Variants in GABPB1 observed in about 807,000 individuals in gnomAD.
GABPB1 encodes GA-binding protein subunit beta-1.
A neutral mutation model predicts 45.9 loss-of-function variants in GABPB1; 15 were observed. The observed-to-expected ratio is 0.33, with a 90% CI of 0.22 to 0.50. The LOEUF is 0.50. GABPB1 is among the 20% of genes least tolerant of loss of function. The pLI is 0.98. For missense variants in GABPB1, 252 were observed against 457.5 expected (o/e 0.55, Z 4.10); for synonymous variants, 143 against 154.4 (o/e 0.93, Z 0.55).
chr15:50,278,572 C>G lies in GABPB1; in HGVS notation c.*60G>C. On this transcript the variant is annotated 3_prime_UTR_variant, in exon 9 of 9. Transcript: ENST00000380877. ...CCCATGGCTGTACCTTTGTTGTGTA[C>G]AGTTCAAGATTGTATTCTTTCTTGA... 1.4e-6 allele frequency: 2 copies of G among 1,420,982 alleles called. No individual in the cohort carries two copies. The highest frequency in any genetic ancestry group is 2.0e-6 in the Non-Finnish European group (2 of 1,024,526). 88.0% of individuals were successfully genotyped at this position (1,420,982 alleles called of 1,614,324 possible).
chr15:50,350,521 CACTT>C (rs1203410085), intron 1 of GABPB1: 4 of 151,454 alleles, frequency 2.6e-5, no homozygotes, highest in Admixed American at 2.6e-4. Context: ...ATAGCCTTCT[CACTT>C]AATACTCATT....
chr15:50,285,065 T>C (rs1336395746), intron 8 of GABPB1, among the ~76,000 whole-genome samples: 2 of 152,198 alleles, frequency 1.3e-5, no homozygotes, highest in African/African-American at 4.8e-5. Flanking sequence ...ATTTTCTCAT[T>C]GTCTTTAGTT....
At chr15:50,307,069 G>C (rs976857707) in intron 2 of GABPB1, among the ~76,000 whole-genome samples, 32 of 151,882 alleles carry the variant, frequency 2.1e-4, no homozygotes, top group African/African-American at 7.7e-4. Flanking sequence ...GTCTTCTCTC[G>C]GGAATAGTCT....
At chr15:50,334,524 T>C (rs1485271141) in intron 1 of GABPB1, among the ~76,000 whole-genome samples, 1 of 146,278 alleles carries the variant, frequency 6.8e-6, no homozygotes, top group Non-Finnish European at 1.5e-5. Context: ...TTTTTTTTTT[T>C]TTTGAGACAG....
intron 1 of GABPB1, among the ~76,000 whole-genome samples, chr15:50,348,502 C>T (rs1291286117): frequency 4.0e-5 from 6 of 151,804 alleles, no homozygotes; most frequent in Admixed American, 1.3e-4. Context: ...CCGCCCGCCT[C>T]GGCCTCCCAA....
At chr15:50,293,065 T>G (rs116238853) in intron 6 of GABPB1, among the ~76,000 whole-genome samples, 3,063 of 152,280 alleles carry the variant, frequency 0.02, 104 homozygotes, top group African/African-American at 0.071. Context: ...TGGTTTTTAA[T>G]GTATTTACAC....
chr15:50,347,897 A>G (rs1024299713), intron 1 of GABPB1, among the ~76,000 whole-genome samples: 15 of 152,148 alleles, frequency 9.9e-5, no homozygotes, highest in Admixed American at 9.2e-4. Context: ...CTCTACTAAA[A>G]ATACAAAAAT....
intron 2 of GABPB1, 40 bp downstream of exon 2, chr15:50,309,650 GA>G (rs766096342): frequency 1.6e-6 from 2 of 1,237,462 alleles, no homozygotes; most frequent in Non-Finnish European, 2.4e-6. Flanking sequence ...ACTCAAAAAT[GA>G]GAAGGAAAAA....
At chr15:50,354,775 C>CGCAGCGGCGGCGCG (rs2049029437) in intron 1 of GABPB1, 1 of 238,586 alleles carries the variant, frequency 4.2e-6, no homozygotes, top group Non-Finnish European at 8.4e-6. Context: ...GCGGACAAAG[C>CGCAGCGGCGGCGCG]GCAGCGGCGG....
chr15:50,283,714 G>T (rs2140971216), intron 8 of GABPB1, among the ~76,000 whole-genome samples: 1 of 152,194 alleles, frequency 6.6e-6, no homozygotes, highest in Non-Finnish European at 1.5e-5. Flanking sequence ...GTTTTGCCAT[G>T]TTGGCCAGGC....
chr15:50,355,095 C>A lies in GABPB1; in HGVS notation c.-111G>T. On this transcript the variant is annotated 5_prime_UTR_variant, in exon 1 of 9. The change creates a premature stop within an existing upstream ORF in the 5' untranslated region. Coordinates refer to ENST00000380877, the MANE Select transcript of GABPB1 (RefSeq NM_016654.5). ...CGGCCCCGCTACACACAAAGCGCTTCAGCTGCACAGGGCGCTATTTTCCGA... is the reference window on the plus strand; with the variant it reads ...CGGCCCCGCTACACACAAAGCGCTTAAGCTGCACAGGGCGCTATTTTCCGA... 6.5e-6 allele frequency: 1 copy of A among 154,634 alleles called. No homozygotes were observed. The highest frequency in any genetic ancestry group is 1.4e-5 in the Non-Finnish European group (1 of 69,226). 9.6% of individuals were successfully genotyped at this position (154,634 alleles called of 1,614,324 possible).
rs150278834 is a variant in GABPB1 at position 50,342,821 on chromosome 15, T to C, written c.-1+12164A>G. 4.8e-4 allele frequency among the ~76,000 whole-genome samples: 73 copies of C among 152,324 alleles called. No homozygotes were observed. In the East Asian group the frequency reaches 0.012, roughly 26 times the overall value. On this transcript the variant is annotated intron_variant, in intron 1 of 8. Coordinates refer to ENST00000380877, the MANE Select transcript of GABPB1 (RefSeq NM_016654.5). ...GAGAGCTACTTCTATAGTTGTTAGATAGGTTTCAAGGTTTATATTAACAAG... is the reference window on the plus strand; with the variant it reads ...GAGAGCTACTTCTATAGTTGTTAGACAGGTTTCAAGGTTTATATTAACAAG...
intron 1 of GABPB1, chr15:50,347,507 A>G (rs1345168674): frequency 1.3e-5 from 2 of 152,126 alleles, no homozygotes; most frequent in South Asian, 2.1e-4. Context: ...CAATTTTAGT[A>G]TATGTGCTGC....
chr15:50,317,865 C>T (rs2047403366), intron 1 of GABPB1, among the ~76,000 whole-genome samples: 2 of 149,610 alleles, frequency 1.3e-5, no homozygotes, highest in South Asian at 2.1e-4. Context: ...GCCGAGATCG[C>T]GCCACCGCAC....
intron 6 of GABPB1, among the ~76,000 whole-genome samples, chr15:50,293,633 TTGAAC>T (rs201913560): frequency 1.1e-3 from 166 of 152,334 alleles, no homozygotes; most frequent in African/African-American, 3.7e-3. Context: ...AAATATTCAC[TTGAAC>T]TGAATGCTAA....
At chr15:50,351,573 C>A (rs948305590) in intron 1 of GABPB1, 2 of 150,048 alleles carry the variant, frequency 1.3e-5, no homozygotes, top group Non-Finnish European at 2.9e-5. Flanking sequence ...GAAAGCAAGA[C>A]CCTGTCAAAG....
chr15:50,352,769 T>C (rs1210201258), intron 1 of GABPB1: 2 of 152,248 alleles, frequency 1.3e-5, no homozygotes, highest in African/African-American at 2.4e-5. Flanking sequence ...TAGAGAACTA[T>C]AGACTGACAG....
intron 2 of GABPB1, among the ~76,000 whole-genome samples, chr15:50,306,330 G>A (rs1223568368): frequency 6.6e-6 from 1 of 152,108 alleles, no homozygotes; most frequent in Non-Finnish European, 1.5e-5. Context: ...ATAAAACACT[G>A]CCAGTAATTT....
intron 3 of GABPB1, 32 bp from the exon 4 acceptor site, chr15:50,303,155 T>C: frequency 2.0e-6 from 3 of 1,519,742 alleles, no homozygotes; most frequent in Non-Finnish European, 2.7e-6. Context: ...TTTACTAAAA[T>C]ATGAAATATC....
Sources: gnomAD v4.1 joint callset for allele counts (sites outside exome capture counted in the v4.1 genomes callset) on GRCh38, gnomAD v4.1.1 for gene constraint, MANE v1.5 for transcripts, NCBI Gene and HGNC (gene_info 2026-07-23, HGNC 2026-07-21) for gene names.